Variants in RARB observed in about 807,000 individuals in gnomAD.
The protein encoded by RARB is retinoic acid receptor beta.
In RARB, 17 loss-of-function variants were observed where a neutral mutation model predicts 51.9. That is an observed-to-expected ratio of 0.33 (90% CI 0.22 to 0.49). RARB has a LOEUF of 0.49. RARB is among the 20% of genes least tolerant of loss of function. The pLI is 0.99. For synonymous variants in RARB, 215 were observed against 195.4 expected, an observed-to-expected ratio of 1.10 and a Z score of -0.84; for missense variants, 369 against 550.8, an observed-to-expected ratio of 0.67 and a Z score of 3.30.
rs75503163 is a variant in RARB at position 25,175,175 on chromosome 3, A to G, written c.178+600A>G. On this transcript the variant is annotated intron_variant, in intron 5 of 11. Coordinates refer to the RARB transcript ENST00000383772. ...AGGTACTATAAAATAAAAATAGTCA[A>G]AGTTAGAATTCTCCAAGACTGATAT... Among the ~76,000 whole-genome samples the G allele has an allele frequency of 9.1e-3, 1,385 of 152,326 alleles. 21 individuals are homozygous for G. The highest frequency in any genetic ancestry group is 0.032 in the African/African-American group (1,319 of 41,572).
At chr3:25,512,104 G>T (rs981972895) in intron 3 of RARB, among the ~76,000 whole-genome samples, 1 of 152,158 alleles carries the variant, frequency 6.6e-6, no homozygotes, top group Admixed American at 6.5e-5. Context: ...TGTGGCTATT[G>T]TGAGAAGGAA....
intron 2 of RARB, among the ~76,000 whole-genome samples, chr3:24,905,486 T>C (rs1694841952): frequency 6.6e-6 from 1 of 152,194 alleles, no homozygotes; most frequent in South Asian, 2.1e-4. Flanking sequence ...GGCTGACTCA[T>C]TCCTCTCTAC....
At chr3:25,433,688 C>G (rs1448122627) in intron 1 of RARB, among the ~76,000 whole-genome samples, 1 of 152,022 alleles carries the variant, frequency 6.6e-6, no homozygotes, top group Non-Finnish European at 1.5e-5. Flanking sequence ...GTCTAAGTAC[C>G]TCTTGTTAAA....
chr3:25,497,993 G>C (rs1452624275), intron 2 of RARB, among the ~76,000 whole-genome samples: 1 of 152,138 alleles, frequency 6.6e-6, no homozygotes, highest in Non-Finnish European at 1.5e-5. Flanking sequence ...TGCTGGCCAA[G>C]CTCCCTTTTC....
intron 5 of RARB, among the ~76,000 whole-genome samples, chr3:25,345,238 TTTTG>T (rs751633480): frequency 1.3e-4 from 20 of 152,272 alleles, no homozygotes; most frequent in African/African-American, 2.4e-4. Flanking sequence ...GGTTTGGGTT[TTTTG>T]TTTGTTTGTT....
At chr3:25,584,895 C>G (rs930608219) in intron 5 of RARB, among the ~76,000 whole-genome samples, 2 of 152,052 alleles carry the variant, frequency 1.3e-5, no homozygotes, top group Non-Finnish European at 2.9e-5. Flanking sequence ...ACAGTCAACT[C>G]CAACCCCGCC....
At chr3:25,528,215 T>C (rs1032151989) in intron 3 of RARB, among the ~76,000 whole-genome samples, 2 of 152,158 alleles carry the variant, frequency 1.3e-5, no homozygotes, top group Non-Finnish European at 2.9e-5. Flanking sequence ...TCAAACTGTT[T>C]TGAAATGGTC....
At chr3:25,554,972 A>G (rs1019698704) in intron 3 of RARB, among the ~76,000 whole-genome samples, 3 of 152,182 alleles carry the variant, frequency 2.0e-5, no homozygotes, top group African/African-American at 4.8e-5. Flanking sequence ...AAATAAGTTA[A>G]TCTACTCCTG....
At chr3:25,432,358 G>T (rs1708244137) in intron 1 of RARB, among the ~76,000 whole-genome samples, 1 of 152,172 alleles carries the variant, frequency 6.6e-6, no homozygotes, top group South Asian at 2.1e-4. Context: ...TAGAAAGGTA[G>T]ACATCTGTTT....
chr3:25,160,394 C>T (rs1010761638), intron 4 of RARB, among the ~76,000 whole-genome samples: 4 of 152,230 alleles, frequency 2.6e-5, no homozygotes, highest in Non-Finnish European at 5.9e-5. Context: ...CTAGAACCCA[C>T]GTCTTTTATA....
rs150864965 is a variant in RARB at position 25,201,554 on chromosome 3, A to G, written c.178+26979A>G. The stretch of plus-strand genomic sequence containing the variant: ...CCAGTTTTTGTCCATTCAGTATGAT[A>G]TTGGCTGTGGGTTTGTCATAAATAG... On this transcript the variant is annotated intron_variant, in intron 5 of 11. Coordinates refer to the RARB transcript ENST00000383772. Among the ~76,000 whole-genome samples the G allele has an allele frequency of 4.3e-3, 648 of 152,238 alleles. 3 individuals carry two copies. The highest frequency in any genetic ancestry group is 0.015 in the African/African-American group (618 of 41,542).
At chr3:24,973,569 C>T (rs115715352) in intron 2 of RARB, among the ~76,000 whole-genome samples, 1 of 151,938 alleles carries the variant, frequency 6.6e-6, no homozygotes, top group Non-Finnish European at 1.5e-5. Flanking sequence ...CTCATTTTAA[C>T]AATATTTTAA....
chr3:24,898,471 A>G (rs1559387383), intron 2 of RARB, among the ~76,000 whole-genome samples: 4 of 151,994 alleles, frequency 2.6e-5, no homozygotes, highest in Admixed American at 1.3e-4. Flanking sequence ...TTACATGATT[A>G]TATCAAGATA....
intron 4 of RARB, among the ~76,000 whole-genome samples, chr3:25,142,874 A>G (rs573095444): frequency 2.0e-5 from 3 of 152,242 alleles, no homozygotes; most frequent in South Asian, 4.1e-4. Flanking sequence ...TCAGTAAACA[A>G]AAGCAGACCT....
chr3:25,225,116 A>G (rs920544948), intron 5 of RARB, among the ~76,000 whole-genome samples: 1 of 152,170 alleles, frequency 6.6e-6, no homozygotes, highest in Non-Finnish European at 1.5e-5. Flanking sequence ...TTACCACTAG[A>G]TTAAACTCTG....
intron 2 of RARB, among the ~76,000 whole-genome samples, chr3:24,915,606 G>A (rs1238803801): frequency 1.3e-5 from 2 of 152,126 alleles, no homozygotes; most frequent in Admixed American, 6.5e-5. Flanking sequence ...TTTCATGAAG[G>A]TTTTTAAGCC....
At chr3:24,964,139 C>A (rs147156817) in intron 2 of RARB, among the ~76,000 whole-genome samples, 212 of 152,016 alleles carry the variant, frequency 1.4e-3, no homozygotes, top group African/African-American at 4.8e-3. Flanking sequence ...TCCACCCCCC[C>A]ACCCCACATA....
chr3:25,063,033 G>A lies in RARB; in HGVS notation c.-328+2857G>A, dbSNP rs1009392211. On this transcript the variant is annotated intron_variant, in intron 3 of 11. Transcript: ENST00000383772. ...GAAACTCCCCTTTGGCTTTTCAGAC[G>A]AGAACTGTGTAACTTAGGACAACTT... Among the ~76,000 whole-genome samples, 3 of 151,860 alleles carry A rather than the reference G, an allele frequency of 2.0e-5. No homozygotes were observed. In the East Asian group the frequency reaches 5.8e-4, roughly 29 times the overall value.
At chr3:25,313,257 A>G (rs1264568648) in intron 5 of RARB, among the ~76,000 whole-genome samples, 1 of 152,234 alleles carries the variant, frequency 6.6e-6, no homozygotes, top group East Asian at 1.9e-4. Context: ...TCAAATGTAG[A>G]TAAACCAGAC....
Sources: allele counts gnomAD v4.1 joint callset (sites outside exome capture counted in the v4.1 genomes callset), GRCh38; gene constraint gnomAD v4.1.1; transcripts MANE v1.5; gene names NCBI Gene and HGNC (gene_info 2026-07-23, HGNC 2026-07-21).